SFMBT2: variants seen among roughly 807,000 people sequenced by gnomAD.
SFMBT2 encodes the protein Scm like with four mbt domains 2.
A neutral mutation model predicts 110.1 loss-of-function variants in SFMBT2; 38 were observed. That is an observed-to-expected ratio of 0.35 (90% CI 0.27 to 0.45). The LOEUF (loss-of-function observed/expected upper bound fraction) is 0.45, where lower values mean the gene tolerates loss of function less well. Ranked by LOEUF, SFMBT2 falls within the 20% of genes least tolerant of loss-of-function variation. SFMBT2 has a pLI of 1.00. For missense variants in SFMBT2, 1,011 were observed against 1,094.9 expected, an observed-to-expected ratio of 0.92 and a Z score of 1.08; for synonymous variants, 425 against 425.4, an observed-to-expected ratio of 1.00 and a Z score of 0.01.
intron 7 of SFMBT2, among the ~76,000 whole-genome samples, chr10:7,252,126 C>G (rs1051062767): frequency 6.6e-6 from 1 of 152,190 alleles, no homozygotes; most frequent in Non-Finnish European, 1.5e-5. Context: ...TGACCTTGAC[C>G]GCTGACTTGG....
chr10:7,352,742 T>C (rs1211863857), intron 4 of SFMBT2, among the ~76,000 whole-genome samples: 1 of 151,986 alleles, frequency 6.6e-6, no homozygotes, highest in Non-Finnish European at 1.5e-5. Flanking sequence ...CCGGGCGTGG[T>C]GGCTCACGCC....
chr10:7,373,500 T>C (rs1157204146), intron 2 of SFMBT2, among the ~76,000 whole-genome samples: 2 of 152,160 alleles, frequency 1.3e-5, no homozygotes, highest in African/African-American at 4.8e-5. Context: ...AGGGGCAATC[T>C]TGAGAGCTCA....
At chr10:7,263,228 A>G (rs1781907811) in intron 7 of SFMBT2, among the ~76,000 whole-genome samples, 1 of 150,914 alleles carries the variant, frequency 6.6e-6, no homozygotes, top group Non-Finnish European at 1.5e-5. Flanking sequence ...AACAGCCTCT[A>G]TTTCTTTTCT....
In SFMBT2 at chr10:7,376,698, C is replaced by CA. The variant is rs59565462; in HGVS notation, c.100+5100dup. Among the ~76,000 whole-genome samples, 347 of 46,632 alleles carry CA rather than the reference C, an allele frequency of 7.4e-3. 55 individuals carry two copies. The highest frequency in any genetic ancestry group is 9.4e-3 in the Non-Finnish European group (277 of 29,548). 30.6% of individuals were successfully genotyped at this position (46,632 alleles called of 152,430 possible). A position where few individuals can be genotyped will look rare whatever the true frequency, so the allele number is the denominator to read the frequency against. On this transcript the variant is annotated intron_variant, in intron 2 of 20. Transcript: ENST00000397167. The stretch of plus-strand genomic sequence containing the variant: ...TGGGTGACAGAGCAAGACTCTGTCT[C>CA]AAAAAAAAAAAAAAAAAAGGCCCTC...
At chr10:7,303,401 T>C (rs185921518) in intron 4 of SFMBT2, among the ~76,000 whole-genome samples, 2 of 152,350 alleles carry the variant, frequency 1.3e-5, no homozygotes, top group Admixed American at 1.3e-4. Context: ...AAACAATTCA[T>C]GCCAGATGAG....
chr10:7,183,185 A>T lies in SFMBT2; in HGVS notation c.1808+5439T>A, dbSNP rs191546801. Among the ~76,000 whole-genome samples, 3 of 152,354 alleles carry T rather than the reference A, an allele frequency of 2.0e-5. No homozygotes were observed. The East Asian group carries it at 5.8e-4, about 29-fold the overall frequency. On this transcript the variant is annotated intron_variant, in intron 16 of 20. Transcript: ENST00000397167. ...AACTAAGGAATAGCAAAGACAAAAAAGGTGACGGAGGAGAAAGTTGTAAGG... is the reference window on the plus strand; with the variant it reads ...AACTAAGGAATAGCAAAGACAAAAATGGTGACGGAGGAGAAAGTTGTAAGG...
intron 4 of SFMBT2, among the ~76,000 whole-genome samples, chr10:7,320,905 CA>C (rs1843165875): frequency 6.6e-6 from 1 of 152,166 alleles, no homozygotes; most frequent in African/African-American, 2.4e-5. Flanking sequence ...GCCAACGGCC[CA>C]GTTCCTCCAC....
intron 1 of SFMBT2, among the ~76,000 whole-genome samples, chr10:7,385,774 C>A (rs565327344): frequency 1.3e-5 from 2 of 152,058 alleles, no homozygotes; most frequent in African/African-American, 2.4e-5. Context: ...CCGAGGCGGG[C>A]GGATCACGAG....
At chr10:7,235,386 C>T (rs1840222317) in intron 9 of SFMBT2, among the ~76,000 whole-genome samples, 1 of 152,128 alleles carries the variant, frequency 6.6e-6, no homozygotes, top group South Asian at 2.1e-4. Flanking sequence ...AGGAAACTAA[C>T]CAACTTGAGG....
chr10:7,386,887 A>C (rs1845622832), intron 1 of SFMBT2, among the ~76,000 whole-genome samples: 1 of 152,196 alleles, frequency 6.6e-6, no homozygotes, highest in East Asian at 1.9e-4. Context: ...ACAGATAAGC[A>C]ACCTAAGGGA....
chr10:7,292,595 C>T (rs991257437), intron 4 of SFMBT2, among the ~76,000 whole-genome samples: 1 of 152,124 alleles, frequency 6.6e-6, no homozygotes, highest in Non-Finnish European at 1.5e-5. Context: ...CACACACACA[C>T]ATCCCTTAGT....
chr10:7,386,463 C>G (rs142399428), intron 1 of SFMBT2, among the ~76,000 whole-genome samples: 479 of 152,244 alleles, frequency 3.1e-3, no homozygotes, highest in Admixed American at 0.017. Context: ...CAAAAATTAG[C>G]CAGGCATGGT....
At chr10:7,218,514 T>C (rs1839616839) in intron 11 of SFMBT2, among the ~76,000 whole-genome samples, 1 of 152,256 alleles carries the variant, frequency 6.6e-6, no homozygotes, top group Admixed American at 6.5e-5. Flanking sequence ...CTCAACAGAC[T>C]GTTTACAAAC....
chr10:7,320,519 T>C, intron 4 of SFMBT2: 2 of 847,388 alleles, frequency 2.4e-6, no homozygotes, highest in Non-Finnish European at 2.8e-6. Context: ...ACTGGAGTAT[T>C]TTCTTATGAA....
intron 7 of SFMBT2, among the ~76,000 whole-genome samples, chr10:7,256,169 T>C: frequency 6.6e-6 from 1 of 152,168 alleles, no homozygotes; most frequent in East Asian, 1.9e-4. Context: ...GGCACACAGC[T>C]ACCAAGAGAA....
At chr10:7,233,978 T>C (rs545549601) in intron 9 of SFMBT2, among the ~76,000 whole-genome samples, 105 of 152,354 alleles carry the variant, frequency 6.9e-4, no homozygotes, top group African/African-American at 2.4e-3. Context: ...TTTGTGTACA[T>C]TGCAGGCTTA....
At chr10:7,244,173 C>T (rs1840531401) in intron 8 of SFMBT2, 2 of 253,630 alleles carry the variant, frequency 7.9e-6, no homozygotes, top group Non-Finnish European at 1.2e-5. Context: ...GCACCTTTTC[C>T]CTCAGAACAC....
intron 9 of SFMBT2, among the ~76,000 whole-genome samples, chr10:7,232,572 T>C (rs1259861796): frequency 2.0e-5 from 3 of 152,184 alleles, no homozygotes; most frequent in African/African-American, 4.8e-5. Context: ...TGGCTTTAGA[T>C]GAAAAGACTG....
intron 10 of SFMBT2, among the ~76,000 whole-genome samples, chr10:7,224,197 C>T (rs554023978): frequency 6.6e-6 from 1 of 152,176 alleles, no homozygotes; most frequent in East Asian, 1.9e-4. Context: ...CCAAAAGTGT[C>T]AACTTTTCTA....
Sources: allele counts gnomAD v4.1 joint callset (sites outside exome capture counted in the v4.1 genomes callset), GRCh38; gene constraint gnomAD v4.1.1; transcripts MANE v1.5; gene names NCBI Gene and HGNC (gene_info 2026-07-23, HGNC 2026-07-21).